Variants in TPRG1 observed in about 807,000 individuals in gnomAD.
TPRG1 encodes the protein tumor protein p63-regulated gene 1 protein.
A neutral mutation model predicts 29.3 loss-of-function variants in TPRG1; 29 were observed. The ratio of observed to expected loss-of-function variants is 0.99; its 90% CI spans 0.74 to 1.35. TPRG1 has a LOEUF of 1.35. Among genes scored for constraint, TPRG1 ranks in the 40% most tolerant of loss-of-function variants. TPRG1 has a pLI of 0.00. For missense variants in TPRG1, 327 were observed against 335.0 expected (o/e 0.98, Z 0.19); for synonymous variants, 130 against 116.8 (o/e 1.11, Z -0.73).
chr3:189,167,935 T>A (rs1728356322), upstream of TPRG1, among the ~76,000 whole-genome samples: 1 of 152,190 alleles, frequency 6.6e-6, no homozygotes, highest in South Asian at 2.1e-4. Flanking sequence ...GTCACATTGC[T>A]TGTTAGTGGC....
In TPRG1 at chr3:189,301,277, T is replaced by C. The variant is rs1178429448; in HGVS notation, c.480-9109T>C. Among the ~76,000 whole-genome samples the C allele has an allele frequency of 2.6e-5, 3 of 114,706 alleles. No individual in the cohort carries two copies. In the East Asian group the frequency reaches 7.6e-4, roughly 29 times the overall value. 75.3% of individuals were successfully genotyped at this position (114,706 alleles called of 152,430 possible). A position where few individuals can be genotyped will look rare whatever the true frequency, so the allele number is the denominator to read the frequency against. On this transcript the variant is annotated intron_variant, in intron 4 of 5. Transcript: ENST00000345063. ...TCCTGCCACTGCACTCCAGCCTGGG[T>C]GACAGAGTGAGACTCCATCTCAAAA...
At chr3:189,205,186 T>C (rs1734138904) in intron 1 of TPRG1, among the ~76,000 whole-genome samples, 1 of 152,248 alleles carries the variant, frequency 6.6e-6, no homozygotes, top group Non-Finnish European at 1.5e-5. Flanking sequence ...TCCCATCTAC[T>C]CTGTGTTCCT....
At chr3:189,062,527 A>G (rs1451093365) in intron 4 of TPRG1, among the ~76,000 whole-genome samples, 1 of 152,196 alleles carries the variant, frequency 6.6e-6, no homozygotes, top group Non-Finnish European at 1.5e-5. Context: ...AGTACATACA[A>G]TGGACTATCC....
intron 4 of TPRG1, among the ~76,000 whole-genome samples, chr3:189,271,896 G>C (rs1326992398): frequency 2.0e-5 from 3 of 152,194 alleles, no homozygotes; most frequent in Non-Finnish European, 4.4e-5. Flanking sequence ...GATCTCATCT[G>C]TAAAAATAGA....
intron 4 of TPRG1, among the ~76,000 whole-genome samples, chr3:189,276,137 A>G (rs1001012449): frequency 2.0e-5 from 3 of 152,142 alleles, no homozygotes; most frequent in African/African-American, 7.2e-5. Flanking sequence ...AAGGCAAGGT[A>G]AGGAGGGTGT....
At chr3:189,042,037 G>T (rs1411046528) in intron 4 of TPRG1, among the ~76,000 whole-genome samples, 1 of 152,028 alleles carries the variant, frequency 6.6e-6, no homozygotes, top group African/African-American at 2.4e-5. Flanking sequence ...TTAGCAGCTT[G>T]TTTCTGAATC....
chr3:189,132,379 TTCTC>T (rs899036638), intron 2 of TPRG1: 2 of 152,186 alleles, frequency 1.3e-5, no homozygotes, highest in Non-Finnish European at 2.9e-5. Flanking sequence ...ATCGCGTGCT[TTCTC>T]TCTCTCCTTA....
intron 4 of TPRG1, among the ~76,000 whole-genome samples, chr3:189,272,812 A>G (rs921702011): frequency 6.6e-6 from 1 of 150,720 alleles, no homozygotes; most frequent in African/African-American, 2.4e-5. Context: ...AATACTAAAT[A>G]GGATCAGTAG....
intron 4 of TPRG1, among the ~76,000 whole-genome samples, chr3:189,082,355 T>C (rs1717649408): frequency 6.6e-6 from 1 of 152,216 alleles, no homozygotes; most frequent in Admixed American, 6.5e-5. Flanking sequence ...GATGAAAGTG[T>C]GGAGCATGCT....
chr3:189,287,944 T>G (rs1392543997), intron 4 of TPRG1, among the ~76,000 whole-genome samples: 1 of 151,976 alleles, frequency 6.6e-6, no homozygotes, highest in Non-Finnish European at 1.5e-5. Context: ...ATCACCCAAC[T>G]TTAAAATTGT....
chr3:189,169,258 G>A (rs1237803389), upstream of TPRG1, among the ~76,000 whole-genome samples: 1 of 151,916 alleles, frequency 6.6e-6, no homozygotes, highest in Non-Finnish European at 1.5e-5. Flanking sequence ...TCCGCCTCCT[G>A]GGCTTAAGCG....
At chr3:189,218,969 A>G (rs1450118) in intron 3 of TPRG1, among the ~76,000 whole-genome samples, 81,517 of 151,950 alleles carry the variant, frequency 0.54, 21,923 homozygotes, top group South Asian at 0.64. Context: ...CTTAGATTCT[A>G]TCCCATACGT....
intron 1 of TPRG1, among the ~76,000 whole-genome samples, chr3:189,180,062 G>C (rs1730009143): frequency 6.6e-6 from 1 of 152,254 alleles, no homozygotes; most frequent in East Asian, 1.9e-4. Context: ...AAGAGATAGA[G>C]TTTTTGCAGG....
At chr3:189,097,201 A>T (rs970872975), upstream of TPRG1, among the ~76,000 whole-genome samples, 13 of 152,356 alleles carry the variant, frequency 8.5e-5, no homozygotes, top group Non-Finnish European at 1.8e-4. Context: ...AAATAAAAAA[A>T]GTTTTAAGTA....
chr3:189,026,770 A>G (rs2152127702), intron 4 of TPRG1, among the ~76,000 whole-genome samples: 1 of 152,262 alleles, frequency 6.6e-6, no homozygotes, highest in African/African-American at 2.4e-5. Flanking sequence ...TGAGCTGAAG[A>G]ATAACATGGA....
chr3:189,257,059 GGT>G (rs1344999724), intron 4 of TPRG1, among the ~76,000 whole-genome samples: 5 of 152,142 alleles, frequency 3.3e-5, no homozygotes, highest in African/African-American at 1.2e-4. Flanking sequence ...AATGCTAGCT[GGT>G]TATTTTGCCC....
intron 4 of TPRG1, among the ~76,000 whole-genome samples, chr3:189,075,961 C>T (rs1318676757): frequency 6.6e-6 from 1 of 152,158 alleles, no homozygotes; most frequent in East Asian, 1.9e-4. Context: ...GTTTCAACTC[C>T]CCTTCCCAAT....
At chr3:189,023,448 C>T (rs976472593) in intron 3 of TPRG1, among the ~76,000 whole-genome samples, 1 of 152,184 alleles carries the variant, frequency 6.6e-6, no homozygotes, top group Non-Finnish European at 1.5e-5. Flanking sequence ...CAGCATGCTC[C>T]TTTAACTTAG....
At chr3:189,036,341 G>T (rs1259109105) in intron 4 of TPRG1, among the ~76,000 whole-genome samples, 4 of 151,998 alleles carry the variant, frequency 2.6e-5, no homozygotes, top group African/African-American at 9.7e-5. Context: ...CTCACTACTT[G>T]GGTGACAGGA....
Sources: gnomAD v4.1 joint callset for allele counts (sites outside exome capture counted in the v4.1 genomes callset) on GRCh38, gnomAD v4.1.1 for gene constraint, MANE v1.5 for transcripts, NCBI Gene and HGNC (gene_info 2026-07-23, HGNC 2026-07-21) for gene names.